Variants in HSF5 observed in about 807,000 individuals in gnomAD.
HSF5 encodes heat shock factor protein 5.
In HSF5, 5 loss-of-function variants were observed where a neutral mutation model predicts 50.8. The observed-to-expected ratio is 0.10, with a 90% CI of 0.05 to 0.21. HSF5 has a LOEUF of 0.21. HSF5 is among the 10% of genes least tolerant of loss of function. The pLI is 1.00. For missense variants in HSF5, 564 were observed against 762.6 expected (o/e 0.74, Z 3.07); for synonymous variants, 307 against 307.4 (o/e 1.00, Z 0.02).
chr17:58,446,739 A>C (rs1432257423), intron 5 of HSF5, among the ~76,000 whole-genome samples: 1 of 152,046 alleles, frequency 6.6e-6, no homozygotes, highest in Non-Finnish European at 1.5e-5. Context: ...TTGGGGTGCG[A>C]CCCAACACAA....
intron 1 of HSF5, among the ~76,000 whole-genome samples, chr17:58,482,817 A>C (rs1459603304): frequency 6.7e-6 from 1 of 150,238 alleles, no homozygotes; most frequent in African/African-American, 2.4e-5. Flanking sequence ...GGTGGCATGC[A>C]CCAATAGTCC....
intron 2 of HSF5, among the ~76,000 whole-genome samples, chr17:58,470,710 G>C (rs947635237): frequency 1.3e-5 from 2 of 152,098 alleles, no homozygotes; most frequent in Non-Finnish European, 2.9e-5. Flanking sequence ...GGCGGATCAC[G>C]AGGTCAGGAG....
intron 5 of HSF5, among the ~76,000 whole-genome samples, chr17:58,445,724 A>G (rs536877490): frequency 6.6e-6 from 1 of 152,280 alleles, no homozygotes; most frequent in East Asian, 1.9e-4. Flanking sequence ...GAGCCAGGGG[A>G]AGGAGGAAAA....
chr17:58,460,447 A>T (rs1275989920), intron 4 of HSF5, among the ~76,000 whole-genome samples: 1 of 151,578 alleles, frequency 6.6e-6, no homozygotes, highest in Admixed American at 6.6e-5. Context: ...TGAAATAAAA[A>T]GTTTAAAACA....
intron 5 of HSF5, among the ~76,000 whole-genome samples, chr17:58,454,472 A>G (rs1337043450): frequency 6.6e-6 from 1 of 152,184 alleles, no homozygotes; most frequent in African/African-American, 2.4e-5. Context: ...ACAGTACTGG[A>G]AATTCTAGCC....
intron 5 of HSF5, among the ~76,000 whole-genome samples, chr17:58,448,931 G>T (rs1413328894): frequency 6.6e-6 from 1 of 152,068 alleles, no homozygotes; most frequent in Non-Finnish European, 1.5e-5. Context: ...TAAAAGATAG[G>T]CAATATAAAA....
chr17:58,434,941 G>A (rs1297089447), intron 5 of HSF5, among the ~76,000 whole-genome samples: 2 of 152,154 alleles, frequency 1.3e-5, no homozygotes, highest in Non-Finnish European at 2.9e-5. Flanking sequence ...ACACCAAAGG[G>A]GACAGGATTC....
At chr17:58,452,875 TA>T (rs35846805) in intron 5 of HSF5, among the ~76,000 whole-genome samples, 96,747 of 150,590 alleles carry the variant, frequency 0.64, 31,243 homozygotes, top group African/African-American at 0.72. Context: ...TTGGGGAAGA[TA>T]AAAAAAAAAA....
At chr17:58,444,798 C>G (rs1974538074) in intron 5 of HSF5, among the ~76,000 whole-genome samples, 3 of 152,144 alleles carry the variant, frequency 2.0e-5, no homozygotes, top group Admixed American at 1.3e-4. Context: ...AAAGGCAACT[C>G]ACAGAATGGG....
chr17:58,435,395 A>C (rs1320973386), intron 5 of HSF5, among the ~76,000 whole-genome samples: 2 of 152,132 alleles, frequency 1.3e-5, no homozygotes, highest in Non-Finnish European at 2.9e-5. Flanking sequence ...CTAAAAATAC[A>C]AAAATCAGTT....
chr17:58,485,249 G>A (rs983376480), intron 1 of HSF5, among the ~76,000 whole-genome samples: 3 of 151,544 alleles, frequency 2.0e-5, no homozygotes, highest in Admixed American at 6.6e-5. Flanking sequence ...CACCACGCCC[G>A]GCCCCAGATT....
At chr17:58,469,091 G>A (rs1011877304) in intron 2 of HSF5, among the ~76,000 whole-genome samples, 3 of 144,846 alleles carry the variant, frequency 2.1e-5, no homozygotes, top group African/African-American at 5.0e-5. Flanking sequence ...GCCAAAACTC[G>A]GGAAGGGAAA....
At chr17:58,449,013 C>CTTGT (rs941290498) in intron 5 of HSF5, among the ~76,000 whole-genome samples, 2 of 152,114 alleles carry the variant, frequency 1.3e-5, no homozygotes, top group Admixed American at 1.3e-4. Context: ...TTAAGGGTTT[C>CTTGT]TTGTTTGTTT....
intron 2 of HSF5, among the ~76,000 whole-genome samples, chr17:58,473,276 T>TA (rs1274616539): frequency 3.9e-5 from 6 of 151,940 alleles, no homozygotes; most frequent in African/African-American, 1.2e-4. Context: ...TATGTGTTAA[T>TA]AAAAAAAGAG....
At chr17:58,425,784 G>A (rs940686963) in intron 5 of HSF5, among the ~76,000 whole-genome samples, 4 of 152,106 alleles carry the variant, frequency 2.6e-5, no homozygotes, top group Non-Finnish European at 4.4e-5. Flanking sequence ...AGATAACTAG[G>A]AGGAAGAGCC....
chr17:58,451,693 C>T (rs1974643545), intron 5 of HSF5, among the ~76,000 whole-genome samples: 1 of 151,894 alleles, frequency 6.6e-6, no homozygotes, highest in South Asian at 2.1e-4. Flanking sequence ...AAATGCTGTC[C>T]TACGAGGGAA....
At position 58,450,113 on chromosome 17, in the gene HSF5, A is replaced by T. The variant is rs187503945; in HGVS notation, c.1720+8655T>A. On this transcript the variant is annotated intron_variant, in intron 5 of 5. Transcript: ENST00000323777. ...CACTGTGGGAGGCCAAGGCAGGCAG[A>T]TCACTTGAGGTCAGGAGTTTGAGAC... is the stretch of plus-strand genomic sequence containing the variant. 2.8e-3 allele frequency among the ~76,000 whole-genome samples: 420 copies of T among 151,818 alleles called. 2 individuals carry two copies. Among genetic ancestry groups the T allele is most frequent in the Middle Eastern group, 0.017 (5 of 292 alleles).
At chr17:58,486,902 CTTTTTTTTTTTTT>C (rs11351236) in intron 1 of HSF5, among the ~76,000 whole-genome samples, 1 of 79,902 alleles carries the variant, frequency 1.3e-5, no homozygotes, top group Non-Finnish European at 2.4e-5. Flanking sequence ...TAAGTTCTCT[CTTTTTTTTTTTTT>C]TTTTTTTTTT....
At chr17:58,447,086 C>CT (rs1974571649) in intron 5 of HSF5, among the ~76,000 whole-genome samples, 1 of 152,136 alleles carries the variant, frequency 6.6e-6, no homozygotes, top group Admixed American at 6.5e-5. Flanking sequence ...GACTGTGCCA[C>CT]TGCACTCTAG....
Sources: gnomAD v4.1 joint callset for allele counts (sites outside exome capture counted in the v4.1 genomes callset) on GRCh38, gnomAD v4.1.1 for gene constraint, MANE v1.5 for transcripts, NCBI Gene and HGNC (gene_info 2026-07-23, HGNC 2026-07-21) for gene names.